The following CENPP variants were observed in gnomAD, a reference collection of about 807,000 sequenced individuals.
The protein encoded by CENPP is centromere protein P.
Under a neutral mutation model 35.6 loss-of-function variants are expected in CENPP, and 24 were observed. The observed-to-expected ratio is 0.67, with a 90% CI of 0.49 to 0.95. CENPP has a LOEUF of 0.95. Among genes scored for constraint, CENPP ranks in the 40% least tolerant of loss-of-function variants. CENPP has a pLI of 0.00. For synonymous variants in CENPP, 120 were observed against 125.5 expected, an observed-to-expected ratio of 0.96 and a Z score of 0.29; for missense variants, 332 against 345.3, an observed-to-expected ratio of 0.96 and a Z score of 0.31.
At chr9:92,555,112 C>G (rs1307685905) in intron 5 of CENPP, among the ~76,000 whole-genome samples, 1 of 148,926 alleles carries the variant, frequency 6.7e-6, no homozygotes, top group Non-Finnish European at 1.5e-5. Flanking sequence ...CCTTCTTTCT[C>G]TATCTTACAG....
intron 1 of CENPP, among the ~76,000 whole-genome samples, chr9:92,329,884 G>C (rs1309723771): frequency 6.6e-6 from 1 of 152,088 alleles, no homozygotes; most frequent in Non-Finnish European, 1.5e-5. Context: ...TAATTTGTAG[G>C]GGCATCAGTC....
At chr9:92,375,718 T>C (rs1452876330) in intron 4 of CENPP, among the ~76,000 whole-genome samples, 4 of 152,208 alleles carry the variant, frequency 2.6e-5, no homozygotes, top group Admixed American at 6.5e-5. Context: ...TTTCTCTCTT[T>C]ATTGCCATTT....
chr9:92,357,110 A>G (rs1841608939), intron 4 of CENPP, among the ~76,000 whole-genome samples: 1 of 152,228 alleles, frequency 6.6e-6, no homozygotes, highest in South Asian at 2.1e-4. Context: ...AAAATCATGT[A>G]GGAAACAAAA....
chr9:92,471,251 C>T (rs1452958215), intron 5 of CENPP, among the ~76,000 whole-genome samples: 1 of 149,890 alleles, frequency 6.7e-6, no homozygotes, highest in Non-Finnish European at 1.5e-5. Flanking sequence ...GGCTGGAGTG[C>T]AGTGGCATGA....
intron 5 of CENPP, among the ~76,000 whole-genome samples, chr9:92,545,413 C>T (rs1849412637): frequency 6.6e-6 from 1 of 152,152 alleles, no homozygotes; most frequent in Admixed American, 6.5e-5. Flanking sequence ...GCGGAGGGTG[C>T]GTCGGGTACC....
chr9:92,381,465 G>A (rs765842342), intron 5 of CENPP, among the ~76,000 whole-genome samples: 1 of 152,032 alleles, frequency 6.6e-6, no homozygotes, highest in Middle Eastern at 3.4e-3. Flanking sequence ...TGTATTTTTC[G>A]TAGAGATGCA....
intron 5 of CENPP, chr9:92,466,473 T>G: frequency 6.2e-7 from 1 of 1,612,834 alleles, no homozygotes; most frequent in East Asian, 2.2e-5. Flanking sequence ...GTATTTCACT[T>G]AGTTGATTGT....
intron 1 of CENPP, among the ~76,000 whole-genome samples, chr9:92,330,260 G>C (rs1324022186): frequency 2.0e-5 from 3 of 152,178 alleles, no homozygotes; most frequent in Non-Finnish European, 4.4e-5. Flanking sequence ...GGGTAATTTA[G>C]AGGAAAAGCA....
chr9:92,427,773 C>T (rs1179814949), intron 5 of CENPP, among the ~76,000 whole-genome samples: 1 of 152,204 alleles, frequency 6.6e-6, no homozygotes, highest in South Asian at 2.1e-4. Context: ...AGCCACCATG[C>T]CCTGACTATT....
intron 5 of CENPP, among the ~76,000 whole-genome samples, chr9:92,538,632 A>G (rs1849244961): frequency 6.6e-6 from 1 of 152,230 alleles, no homozygotes; most frequent in Non-Finnish European, 1.5e-5. Flanking sequence ...TTGTGGTTTA[A>G]TGGACTGTTA....
intron 4 of CENPP, among the ~76,000 whole-genome samples, chr9:92,369,521 A>G (rs1394100460): frequency 6.6e-6 from 1 of 152,218 alleles, no homozygotes; most frequent in Non-Finnish European, 1.5e-5. Context: ...ATTGTTGATT[A>G]TCTCTAGAGA....
intron 5 of CENPP, among the ~76,000 whole-genome samples, chr9:92,478,036 A>G (rs952801782): frequency 3.9e-5 from 6 of 152,198 alleles, no homozygotes; most frequent in African/African-American, 1.4e-4. Context: ...AAAAACATAT[A>G]TTCACATGAA....
chr9:92,609,710 G>A (rs1265402714), intron 5 of CENPP, among the ~76,000 whole-genome samples: 1 of 152,250 alleles, frequency 6.6e-6, no homozygotes, highest in Non-Finnish European at 1.5e-5. Context: ...GTTCTCACAA[G>A]AGCAGACAAA....
At chr9:92,539,364 AC>A (rs1448476148) in intron 5 of CENPP, among the ~76,000 whole-genome samples, 3 of 57,548 alleles carry the variant, frequency 5.2e-5, no homozygotes, top group Non-Finnish European at 6.8e-5. Context: ...CCCCACCCCA[AC>A]CCACTGCCTG....
chr9:92,596,911 G>A (rs754071142), intron 5 of CENPP, among the ~76,000 whole-genome samples: 1 of 151,926 alleles, frequency 6.6e-6, no homozygotes, highest in Admixed American at 6.6e-5. Context: ...CTATATTCAT[G>A]TCTAGCACTA....
chr9:92,524,027 G>C (rs1848238289), intron 5 of CENPP, among the ~76,000 whole-genome samples: 1 of 152,212 alleles, frequency 6.6e-6, no homozygotes, highest in African/African-American at 2.4e-5. Flanking sequence ...TGGTGGATCA[G>C]ACATGGCCCC....
At chr9:92,605,660 A>G (rs556393167) in intron 5 of CENPP, among the ~76,000 whole-genome samples, 35 of 152,334 alleles carry the variant, frequency 2.3e-4, no homozygotes, top group Non-Finnish European at 4.0e-4. Context: ...AAATGGATCA[A>G]AGACCTAACT....
intron 5 of CENPP, among the ~76,000 whole-genome samples, chr9:92,420,493 C>T (rs1358455341): frequency 6.6e-6 from 1 of 152,172 alleles, no homozygotes; most frequent in Non-Finnish European, 1.5e-5. Context: ...GTCTCACTCT[C>T]GATTCAAGAC....
chr9:92,418,390 ATTT>A (rs959049639), intron 5 of CENPP, among the ~76,000 whole-genome samples: 1 of 145,746 alleles, frequency 6.9e-6, no homozygotes, highest in African/African-American at 2.5e-5. Context: ...CCTGGCCGAG[ATTT>A]TTTTTTTTTT....
Sources: gnomAD v4.1 joint callset for allele counts (sites outside exome capture counted in the v4.1 genomes callset) on GRCh38, gnomAD v4.1.1 for gene constraint, MANE v1.5 for transcripts, NCBI Gene and HGNC (gene_info 2026-07-23, HGNC 2026-07-21) for gene names.